PIWIL2: variants seen among roughly 807,000 people sequenced by gnomAD.
PIWIL2 encodes the protein piwi-like protein 2.
A neutral mutation model predicts 116.5 loss-of-function variants in PIWIL2; 81 were observed. That is an observed-to-expected ratio of 0.70 (90% CI 0.58 to 0.84). PIWIL2 has a LOEUF of 0.84. PIWIL2 is among the 40% of genes least tolerant of loss of function. The pLI is 0.00. For synonymous variants in PIWIL2, 489 were observed against 429.5 expected, an observed-to-expected ratio of 1.14 and a Z score of -1.71; for missense variants, 1,272 against 1,212.3, an observed-to-expected ratio of 1.05 and a Z score of -0.73.
At chr8:22,314,002 G>A (rs900099651) in intron 16 of PIWIL2, among the ~76,000 whole-genome samples, 40 of 152,224 alleles carry the variant, frequency 2.6e-4, no homozygotes, top group African/African-American at 8.7e-4. Flanking sequence ...GAAGCAGCAA[G>A]TAATGTAAAC....
At chr8:22,278,176 A>G (rs545952310) in intron 1 of PIWIL2, among the ~76,000 whole-genome samples, 17 of 151,374 alleles carry the variant, frequency 1.1e-4, no homozygotes, top group African/African-American at 2.7e-4. Context: ...CTAAAAAAAA[A>G]AGGGGGGGAG....
At chr8:22,286,944 A>T (rs1391256411) in intron 6 of PIWIL2, among the ~76,000 whole-genome samples, 1 of 151,812 alleles carries the variant, frequency 6.6e-6, no homozygotes, top group Non-Finnish European at 1.5e-5. Context: ...TTTTTTAGTC[A>T]GGTGTGGTGG....
intron 20 of PIWIL2, among the ~76,000 whole-genome samples, chr8:22,334,871 A>G (rs900698437): frequency 3.9e-5 from 6 of 152,126 alleles, no homozygotes; most frequent in Admixed American, 3.3e-4. Context: ...CCTGGCCAAC[A>G]TAGTGAAACC....
chr8:22,332,164 G>T (rs1208925420), intron 20 of PIWIL2, among the ~76,000 whole-genome samples: 5 of 151,994 alleles, frequency 3.3e-5, no homozygotes, highest in Admixed American at 3.3e-4. Flanking sequence ...AATTAGCCAG[G>T]TGTGGTGCTG....
chr8:22,305,662 AT>A (rs545167673), intron 12 of PIWIL2, among the ~76,000 whole-genome samples: 9,836 of 149,092 alleles, frequency 0.066, 377 homozygotes, highest in Admixed American at 0.1. Context: ...AGAGGGACAG[AT>A]TTTTTTTTTT....
chr8:22,310,202 C>G, intron 15 of PIWIL2, 128 bp downstream of exon 15: 1 of 593,072 alleles, frequency 1.7e-6, no homozygotes, highest in Admixed American at 2.9e-5. Context: ...TCTGAATTAC[C>G]TACTAACCAG....
At chr8:22,305,852 A>G (rs898920385) in intron 12 of PIWIL2, 75 bp from the exon 13 acceptor site, 7 of 1,029,910 alleles carry the variant, frequency 6.8e-6, no homozygotes, top group African/African-American at 4.7e-5. Flanking sequence ...AGCCCTGGCC[A>G]TGACATGTCC....
intron 4 of PIWIL2, among the ~76,000 whole-genome samples, chr8:22,282,777 GC>G (rs1830540580): frequency 6.6e-6 from 1 of 151,974 alleles, no homozygotes; most frequent in South Asian, 2.1e-4. Context: ...TTTTTATAGT[GC>G]GGGGTCTCAC....
At chr8:22,300,929 A>C (rs1169082754) in intron 10 of PIWIL2, among the ~76,000 whole-genome samples, 1 of 152,198 alleles carries the variant, frequency 6.6e-6, no homozygotes, top group Non-Finnish European at 1.5e-5. Context: ...TGCACGTATC[A>C]TATGATATAT....
intron 1 of PIWIL2, chr8:22,276,040 G>C (rs959898597): frequency 6.6e-6 from 1 of 152,344 alleles, no homozygotes; most frequent in African/African-American, 2.4e-5. Context: ...GTATGTAGCT[G>C]TTAGCATACT....
At chr8:22,293,591 C>T (rs778090647) in intron 10 of PIWIL2, among the ~76,000 whole-genome samples, 7 of 152,182 alleles carry the variant, frequency 4.6e-5, no homozygotes, top group Non-Finnish European at 1.0e-4. Context: ...TCCCAAAGTG[C>T]TGGGATTACA....
intron 19 of PIWIL2, 51 bp downstream of exon 19, chr8:22,316,384 T>C (rs1831460574): frequency 2.0e-6 from 2 of 1,013,932 alleles, no homozygotes; most frequent in South Asian, 1.3e-5. Flanking sequence ...TTTTAGTGCC[T>C]AATCTTATTA....
At chr8:22,283,805 G>A (rs1299967930) in intron 5 of PIWIL2, among the ~76,000 whole-genome samples, 1 of 152,172 alleles carries the variant, frequency 6.6e-6, no homozygotes, top group Non-Finnish European at 1.5e-5. Flanking sequence ...CTTCCCAATT[G>A]AGACAATTCC....
chr8:22,325,118 T>C (rs534664789), intron 20 of PIWIL2, among the ~76,000 whole-genome samples: 429 of 152,300 alleles, frequency 2.8e-3, no homozygotes, highest in Non-Finnish European at 5.0e-3. Flanking sequence ...AAAAAGACTG[T>C]TGAGGTCATG....
chr8:22,351,470 TATATATATATATAA>T (rs1240544367), intron 20 of PIWIL2, among the ~76,000 whole-genome samples: 7 of 105,480 alleles, frequency 6.6e-5, no homozygotes, highest in African/African-American at 2.4e-4. Context: ...TATATATATA[TATATATATATATAA>T]TTTATATCTA....
intron 1 of PIWIL2, among the ~76,000 whole-genome samples, chr8:22,277,460 C>T (rs1303363908): frequency 1.3e-5 from 2 of 152,148 alleles, no homozygotes; most frequent in Non-Finnish European, 2.9e-5. Context: ...GTATTGTAGG[C>T]TCAAAGCAGA....
intron 22 of PIWIL2, among the ~76,000 whole-genome samples, chr8:22,355,106 A>C (rs1053835913): frequency 2.6e-5 from 4 of 152,018 alleles, no homozygotes; most frequent in African/African-American, 9.7e-5. Context: ...AACAACAAAA[A>C]AAAAACAGGG....
chr8:22,317,952 C>T (rs73227804), intron 19 of PIWIL2, among the ~76,000 whole-genome samples: 7 of 152,052 alleles, frequency 4.6e-5, no homozygotes, highest in Admixed American at 6.6e-5. Context: ...TGAGCCACCG[C>T]GCTCTGCCAC....
At chr8:22,310,736 C>T (rs1831308458) in intron 15 of PIWIL2, among the ~76,000 whole-genome samples, 1 of 152,160 alleles carries the variant, frequency 6.6e-6, no homozygotes, top group African/African-American at 2.4e-5. Context: ...TTACCCCTCA[C>T]ACACCCAGTA....
Sources: gnomAD v4.1 joint callset for allele counts (sites outside exome capture counted in the v4.1 genomes callset) on GRCh38, gnomAD v4.1.1 for gene constraint, MANE v1.5 for transcripts, NCBI Gene and HGNC (gene_info 2026-07-23, HGNC 2026-07-21) for gene names.